Variants in NALF1 observed in about 807,000 individuals in gnomAD.
The protein encoded by NALF1 is NALCN channel auxiliary factor 1, also known as family with sequence similarity 155 member A.
NALF1 carries 3 observed loss-of-function variants against 48.4 expected under a neutral mutation model. The ratio of observed to expected loss-of-function variants is 0.06; its 90% CI spans 0.03 to 0.16. The LOEUF (loss-of-function observed/expected upper bound fraction) is 0.16. Among genes scored for constraint, NALF1 ranks in the 10% least tolerant of loss-of-function variants. NALF1 has a pLI of 1.00. For synonymous variants in NALF1, 262 were observed against 245.7 expected (o/e 1.07, Z -0.62); for missense variants, 526 against 571.5 (o/e 0.92, Z 0.81).
intron 1 of NALF1, among the ~76,000 whole-genome samples, chr13:107,578,282 TTC>T (rs71658649): frequency 0.46 from 70,058 of 151,924 alleles, 16,747 homozygotes; most frequent in African/African-American, 0.57. Flanking sequence ...CAGTACCCTG[TTC>T]TCTCCCTCAT....
chr13:107,817,525 A>G lies in NALF1; in HGVS notation c.915+48157T>C, dbSNP rs145513503. Among the ~76,000 whole-genome samples, 47 of 152,290 alleles carry G rather than the reference A, an allele frequency of 3.1e-4. No homozygotes were observed. The East Asian group carries it at 8.9e-3, about 29-fold the overall frequency. On this transcript the variant is annotated intron_variant, in intron 1 of 2. Transcript: ENST00000375915. ...AGTGCCGGGATTTTAAGCCCTGTAAATATCTTCTGTTTTCTCTCCCAATTC... is the reference window on the plus strand; with the variant it reads ...AGTGCCGGGATTTTAAGCCCTGTAAGTATCTTCTGTTTTCTCTCCCAATTC...
In NALF1 at chr13:107,639,958, A is replaced by G. The variant is rs190883864; in HGVS notation, c.915+225724T>C. On this transcript the variant is annotated intron_variant, in intron 1 of 2. Transcript: ENST00000375915. ...TTGAGAATTATTTAACACATCTTAT[A>G]TTACAGCTGTTTTGAATTCGTCTTT... 2.9e-3 allele frequency among the ~76,000 whole-genome samples: 444 copies of G among 152,282 alleles called. 4 individuals are homozygous for G. Among genetic ancestry groups the G allele is most frequent in the Non-Finnish European group, 2.5e-3 (170 of 68,018 alleles).
intron 1 of NALF1, among the ~76,000 whole-genome samples, chr13:107,425,604 T>C (rs1421509582): frequency 1.3e-5 from 2 of 152,178 alleles, no homozygotes; most frequent in Non-Finnish European, 2.9e-5. Flanking sequence ...TACAATGATG[T>C]TGGATATCTG....
At chr13:107,593,404 T>G (rs982897450) in intron 1 of NALF1, among the ~76,000 whole-genome samples, 5 of 151,880 alleles carry the variant, frequency 3.3e-5, no homozygotes, top group African/African-American at 1.2e-4. Context: ...TGAGAAAGAG[T>G]ATGCATTGAC....
At chr13:107,654,191 G>T (rs1029970104) in intron 1 of NALF1, among the ~76,000 whole-genome samples, 5 of 152,082 alleles carry the variant, frequency 3.3e-5, no homozygotes, top group African/African-American at 1.2e-4. Flanking sequence ...AATTAGAAAT[G>T]AAATGGAAGA....
At chr13:107,337,465 T>A (rs1671710789) in intron 1 of NALF1, among the ~76,000 whole-genome samples, 1 of 152,152 alleles carries the variant, frequency 6.6e-6, no homozygotes, top group African/African-American at 2.4e-5. Context: ...ATTTTGGGGC[T>A]CCTTATTGAT....
intron 1 of NALF1, among the ~76,000 whole-genome samples, chr13:107,537,000 T>G (rs986919784): frequency 2.0e-5 from 3 of 152,110 alleles, no homozygotes; most frequent in South Asian, 4.1e-4. Flanking sequence ...AAACACTGCA[T>G]GTTCTCACTC....
intron 1 of NALF1, among the ~76,000 whole-genome samples, chr13:107,337,008 G>T (rs1481643871): frequency 8.0e-6 from 1 of 125,724 alleles, no homozygotes; most frequent in African/African-American, 3.3e-5. Flanking sequence ...CAAATAATAG[G>T]TTTTCCTAAA....
chr13:107,715,575 C>T (rs1201688184), intron 1 of NALF1, among the ~76,000 whole-genome samples: 1 of 152,126 alleles, frequency 6.6e-6, no homozygotes, highest in Non-Finnish European at 1.5e-5. Context: ...GAGGCTATGG[C>T]AGAGTTGGAG....
intron 1 of NALF1, among the ~76,000 whole-genome samples, chr13:107,582,659 A>G (rs1878346291): frequency 2.0e-5 from 3 of 152,230 alleles, no homozygotes; most frequent in African/African-American, 7.2e-5. Flanking sequence ...ATGTAAGGAA[A>G]GATTCAAAGT....
chr13:107,237,461 C>A (rs1594083809), intron 1 of NALF1, among the ~76,000 whole-genome samples: 1 of 152,042 alleles, frequency 6.6e-6, no homozygotes, highest in African/African-American at 2.4e-5. Context: ...CCAGGCCACC[C>A]CTTGGAAACC....
intron 1 of NALF1, among the ~76,000 whole-genome samples, chr13:107,634,756 A>C (rs564899915): frequency 6.6e-6 from 1 of 152,228 alleles, no homozygotes; most frequent in African/African-American, 2.4e-5. Context: ...AAAAGTCAGC[A>C]ATTCTCTCAT....
intron 1 of NALF1, among the ~76,000 whole-genome samples, chr13:107,853,691 A>AT (rs1403643865): frequency 1.3e-5 from 2 of 152,248 alleles, no homozygotes; most frequent in African/African-American, 4.8e-5. Flanking sequence ...GATTTAAGAC[A>AT]TAAATATCAA....
intron 1 of NALF1, among the ~76,000 whole-genome samples, chr13:107,520,048 C>A (rs1876186576): frequency 6.6e-6 from 1 of 152,082 alleles, no homozygotes; most frequent in Non-Finnish European, 1.5e-5. Context: ...TTATGATGAT[C>A]TTTAGTGTCT....
At chr13:107,219,676 A>G (rs1264427369) in intron 1 of NALF1, among the ~76,000 whole-genome samples, 1 of 152,218 alleles carries the variant, frequency 6.6e-6, no homozygotes, top group African/African-American at 2.4e-5. Context: ...GAAAATACCA[A>G]TAATACCAAC....
chr13:107,806,620 G>A (rs10508191), intron 1 of NALF1, among the ~76,000 whole-genome samples: 8,318 of 152,104 alleles, frequency 0.055, 785 homozygotes, highest in African/African-American at 0.19. Context: ...ACACTAAGTT[G>A]ATGAGAAAAG....
intron 1 of NALF1, among the ~76,000 whole-genome samples, chr13:107,372,790 G>T (rs899581719): frequency 1.3e-5 from 2 of 152,086 alleles, no homozygotes; most frequent in African/African-American, 4.8e-5. Flanking sequence ...CATCATGAAG[G>T]TTTAGATATC....
At chr13:107,223,200 C>A (rs1181312335) in intron 1 of NALF1, among the ~76,000 whole-genome samples, 2 of 152,090 alleles carry the variant, frequency 1.3e-5, no homozygotes, top group Non-Finnish European at 2.9e-5. Context: ...AATGCTCATA[C>A]TAAATTTATT....
At chr13:107,656,519 G>T (rs1880580872) in intron 1 of NALF1, among the ~76,000 whole-genome samples, 1 of 152,026 alleles carries the variant, frequency 6.6e-6, no homozygotes, top group Non-Finnish European at 1.5e-5. Context: ...ATAGATGTTG[G>T]CATGGATGCA....
Sources: gnomAD v4.1 joint callset for allele counts (sites outside exome capture counted in the v4.1 genomes callset) on GRCh38, gnomAD v4.1.1 for gene constraint, MANE v1.5 for transcripts, NCBI Gene and HGNC (gene_info 2026-07-23, HGNC 2026-07-21) for gene names.